The following MOB3B variants were observed in gnomAD, a reference collection of about 807,000 sequenced individuals.
MOB3B encodes MOB kinase activator 3B.
In MOB3B, 7 loss-of-function variants were observed where a neutral mutation model predicts 18.7. The ratio of observed to expected loss-of-function variants is 0.37; its 90% CI spans 0.21 to 0.70. The LOEUF (loss-of-function observed/expected upper bound fraction) is 0.70. Ranked by LOEUF, MOB3B falls within the 30% of genes least tolerant of loss-of-function variation. The pLI, the probability that MOB3B is intolerant of heterozygous loss-of-function variation, is 0.52. For missense variants in MOB3B, 253 were observed against 281.3 expected, an observed-to-expected ratio of 0.90 and a Z score of 0.72; for synonymous variants, 111 against 99.9, an observed-to-expected ratio of 1.11 and a Z score of -0.66.
At chr9:27,359,982 C>A (rs1243087597) in intron 2 of MOB3B, among the ~76,000 whole-genome samples, 1 of 152,186 alleles carries the variant, frequency 6.6e-6, no homozygotes, top group African/African-American at 2.4e-5. Context: ...GCTAAACAGA[C>A]ATTGTTTGAA....
chr9:27,458,737 G>A (rs1279368733), intron 1 of MOB3B, among the ~76,000 whole-genome samples: 2 of 151,648 alleles, frequency 1.3e-5, no homozygotes, highest in Non-Finnish European at 2.9e-5. Context: ...CTTGTATTTT[G>A]TAGAGACATG....
chr9:27,351,634 G>A (rs1050831629), intron 3 of MOB3B, among the ~76,000 whole-genome samples: 2 of 152,234 alleles, frequency 1.3e-5, no homozygotes, highest in African/African-American at 4.8e-5. Flanking sequence ...CCTTTCAAAA[G>A]CCCCACAATG....
At chr9:27,357,073 G>C (rs373750647) in intron 3 of MOB3B, among the ~76,000 whole-genome samples, 7 of 132,510 alleles carry the variant, frequency 5.3e-5, no homozygotes, top group African/African-American at 1.9e-4. Flanking sequence ...GCCATCTCAA[G>C]TGTAACCCAA....
At chr9:27,411,282 AGAG>A (rs1326859890) in intron 2 of MOB3B, among the ~76,000 whole-genome samples, 3 of 152,302 alleles carry the variant, frequency 2.0e-5, no homozygotes, top group African/African-American at 7.2e-5. Context: ...GTACTATTGC[AGAG>A]GAGGACTCCA....
At chr9:27,410,479 G>A (rs968419874) in intron 2 of MOB3B, among the ~76,000 whole-genome samples, 1 of 150,330 alleles carries the variant, frequency 6.7e-6, no homozygotes, top group Admixed American at 6.7e-5. Flanking sequence ...GCCTAGAAAA[G>A]ATTTTTTTTT....
At chr9:27,528,966 C>T (rs895621674) in intron 1 of MOB3B, among the ~76,000 whole-genome samples, 2 of 152,144 alleles carry the variant, frequency 1.3e-5, no homozygotes. Context: ...CAGTTGTTGG[C>T]CCCAAAGTTA....
At chr9:27,351,248 C>T (rs1252407366) in intron 3 of MOB3B, among the ~76,000 whole-genome samples, 3 of 137,746 alleles carry the variant, frequency 2.2e-5, no homozygotes, top group African/African-American at 5.6e-5. Context: ...CAAAGAGAAA[C>T]GGTTGTCTTG....
intron 2 of MOB3B, among the ~76,000 whole-genome samples, chr9:27,431,843 G>A (rs1156383482): frequency 6.6e-6 from 1 of 152,200 alleles, no homozygotes; most frequent in African/African-American, 2.4e-5. Context: ...GTAAAGTCAT[G>A]CTTTTCCCAT....
intron 2 of MOB3B, among the ~76,000 whole-genome samples, chr9:27,418,091 CAAAAAAA>C (rs57850999): frequency 6.8e-5 from 3 of 44,086 alleles, no homozygotes; most frequent in East Asian, 8.9e-4. Flanking sequence ...GACTCCACCT[CAAAAAAA>C]AAAAAAAAAA....
At chr9:27,511,690 A>G (rs1459931030) in intron 1 of MOB3B, among the ~76,000 whole-genome samples, 1 of 152,206 alleles carries the variant, frequency 6.6e-6, no homozygotes, top group Non-Finnish European at 1.5e-5. Flanking sequence ...CTCTTTCAGA[A>G]AAGAAATCAC....
chr9:27,406,721 C>A (rs1460584816), intron 2 of MOB3B, among the ~76,000 whole-genome samples: 1 of 152,190 alleles, frequency 6.6e-6, no homozygotes, highest in African/African-American at 2.4e-5. Context: ...CTCTTTTCAT[C>A]ACATACAAAA....
intron 1 of MOB3B, among the ~76,000 whole-genome samples, chr9:27,519,644 G>T (rs535979430): frequency 1.3e-5 from 2 of 152,176 alleles, no homozygotes; most frequent in Non-Finnish European, 1.5e-5. Context: ...TGTAGTTGCC[G>T]CAGGGGAGGA....
At chr9:27,450,384 T>A (rs755325059) in intron 2 of MOB3B, among the ~76,000 whole-genome samples, 1 of 152,188 alleles carries the variant, frequency 6.6e-6, no homozygotes, top group Non-Finnish European at 1.5e-5. Context: ...ACCAGGGAGT[T>A]ATGGGCCAGC....
chr9:27,416,188 A>G (rs1221990492), intron 2 of MOB3B, among the ~76,000 whole-genome samples: 1 of 152,124 alleles, frequency 6.6e-6, no homozygotes, highest in Admixed American at 6.6e-5. Flanking sequence ...AGGTTTGGCT[A>G]TTGCAGTTAA....
At chr9:27,452,918 C>A (rs1031990258) in intron 2 of MOB3B, among the ~76,000 whole-genome samples, 1 of 152,154 alleles carries the variant, frequency 6.6e-6, no homozygotes, top group Non-Finnish European at 1.5e-5. Flanking sequence ...TACAAAACTT[C>A]AGTTAGATAG....
intron 2 of MOB3B, among the ~76,000 whole-genome samples, chr9:27,411,639 C>T (rs1183258298): frequency 2.0e-5 from 3 of 152,022 alleles, no homozygotes; most frequent in Non-Finnish European, 4.4e-5. Context: ...GTGAGGAATG[C>T]CAAGGAAAGA....
intron 3 of MOB3B, among the ~76,000 whole-genome samples, chr9:27,353,876 C>T (rs1265165963): frequency 1.3e-5 from 2 of 152,258 alleles, no homozygotes; most frequent in African/African-American, 4.8e-5. Context: ...CAAGGGCCAA[C>T]AGCAGCCTGC....
intron 1 of MOB3B, among the ~76,000 whole-genome samples, chr9:27,515,881 G>A (rs1047244776): frequency 6.6e-6 from 1 of 152,136 alleles, no homozygotes; most frequent in Admixed American, 6.5e-5. Context: ...TACCTATAAT[G>A]TGGCCTTATT....
intron 2 of MOB3B, among the ~76,000 whole-genome samples, chr9:27,443,110 A>G (rs900628000): frequency 7.2e-5 from 11 of 152,318 alleles, no homozygotes; most frequent in African/African-American, 2.6e-4. Flanking sequence ...ATATAGGGTG[A>G]AGCCTATAAC....
Sources: allele counts gnomAD v4.1 joint callset (sites outside exome capture counted in the v4.1 genomes callset), GRCh38; gene constraint gnomAD v4.1.1; transcripts MANE v1.5; gene names NCBI Gene and HGNC (gene_info 2026-07-23, HGNC 2026-07-21).